Variants in IQSEC1 observed in about 807,000 individuals in gnomAD.
IQSEC1 encodes IQ motif and SEC7 domain-containing protein 1.
In IQSEC1, 31 loss-of-function variants were observed where a neutral mutation model predicts 91.0. The ratio of observed to expected loss-of-function variants is 0.34; its 90% CI spans 0.26 to 0.46. IQSEC1 has a LOEUF of 0.46. Ranked by LOEUF, IQSEC1 falls within the 20% of genes least tolerant of loss-of-function variation. The probability of loss-of-function intolerance (pLI) is 1.00; values close to 1 mark genes in which losing one functional copy is unlikely to be tolerated. For synonymous variants in IQSEC1, 699 were observed against 662.6 expected (o/e 1.05, Z -0.84); for missense variants, 1,388 against 1,575.6 (o/e 0.88, Z 2.02).
intron 1 of IQSEC1, among the ~76,000 whole-genome samples, chr3:13,191,477 A>ATTTTTTTTTTT (rs57912681): frequency 3.1e-4 from 29 of 92,102 alleles, no homozygotes; most frequent in East Asian, 3.9e-4. Context: ...CACCCAGCTA[A>ATTTTTTTTTTT]TTTTTTTTTT....
At chr3:13,040,477 G>C (rs183500185) in intron 1 of IQSEC1, among the ~76,000 whole-genome samples, 2 of 152,204 alleles carry the variant, frequency 1.3e-5, no homozygotes, top group Non-Finnish European at 2.9e-5. Context: ...ATAGGTCAGG[G>C]GAGGGGACAA....
chr3:13,181,689 G>A lies in IQSEC1; in HGVS notation c.273-17556C>T, dbSNP rs1258887241. On this transcript the variant is annotated intron_variant, in intron 1 of 15. Transcript: ENST00000648114. The stretch of plus-strand genomic sequence containing the variant: ...GACACAGATGGAGGCAGAGAGAACA[G>A]CAGGGCCACAAAGGAGGAGGAAACC... 3.9e-5 allele frequency among the ~76,000 whole-genome samples: 6 copies of A among 152,342 alleles called. No homozygotes were observed. In the South Asian group the frequency reaches 1.0e-3, roughly 26 times the overall value.
At chr3:13,049,587 C>T (rs745744625) in intron 1 of IQSEC1, among the ~76,000 whole-genome samples, 1 of 152,166 alleles carries the variant, frequency 6.6e-6, no homozygotes, top group Non-Finnish European at 1.5e-5. Context: ...CTTATCCAGA[C>T]GCAAACTCCT....
At chr3:13,274,268 C>T (rs1309832761) in intron 1 of IQSEC1, among the ~76,000 whole-genome samples, 1 of 152,228 alleles carries the variant, frequency 6.6e-6, no homozygotes, top group East Asian at 1.9e-4. Flanking sequence ...CACCTGAGCG[C>T]TGAGGCCATC....
At chr3:12,981,477 G>A (rs1485764696) in intron 1 of IQSEC1, among the ~76,000 whole-genome samples, 1 of 151,994 alleles carries the variant, frequency 6.6e-6, no homozygotes, top group African/African-American at 2.4e-5. Flanking sequence ...ACCGGCTGCT[G>A]GGGGACTAGT....
intron 1 of IQSEC1, among the ~76,000 whole-genome samples, 180 bp downstream of exon 1, chr3:13,072,812 A>C: frequency 6.6e-6 from 1 of 152,150 alleles, no homozygotes; most frequent in East Asian, 1.9e-4. Context: ...CGTCATCACC[A>C]ACAAACACCT....
intron 3 of IQSEC1, among the ~76,000 whole-genome samples, chr3:12,933,064 G>A (rs181946955): frequency 3.1e-4 from 47 of 152,358 alleles, no homozygotes; most frequent in Admixed American, 1.3e-3. Context: ...TCACTGCTTC[G>A]TTGCTAGGAA....
At chr3:13,268,278 A>G (rs1192343841) in intron 1 of IQSEC1, among the ~76,000 whole-genome samples, 1 of 152,246 alleles carries the variant, frequency 6.6e-6, no homozygotes, top group Non-Finnish European at 1.5e-5. Flanking sequence ...TACTAGCTGT[A>G]CAACCCTAGA....
intron 1 of IQSEC1, among the ~76,000 whole-genome samples, chr3:13,199,756 G>C (rs190718115): frequency 4.0e-5 from 6 of 150,628 alleles, no homozygotes; most frequent in Non-Finnish European, 7.4e-5. Context: ...GGCTGTCCCC[G>C]GACGTGAGGA....
At chr3:13,059,458 C>G (rs1333282556) in intron 1 of IQSEC1, among the ~76,000 whole-genome samples, 1 of 152,216 alleles carries the variant, frequency 6.6e-6, no homozygotes, top group African/African-American at 2.4e-5. Flanking sequence ...CACGGGGTGC[C>G]CTCTGGGTGA....
At chr3:13,179,806 C>T (rs557285863) in intron 1 of IQSEC1, among the ~76,000 whole-genome samples, 79 of 152,348 alleles carry the variant, frequency 5.2e-4, no homozygotes, top group African/African-American at 1.7e-3. Flanking sequence ...CGGGCCAGCG[C>T]GAGTTCCGGG....
intron 9 of IQSEC1, among the ~76,000 whole-genome samples, chr3:12,913,173 A>T (rs1358708547): frequency 6.6e-6 from 1 of 152,224 alleles, no homozygotes; most frequent in African/African-American, 2.4e-5. Flanking sequence ...ACAGGTGCAG[A>T]CAGCACACAG....
chr3:13,215,129 C>A (rs1160389002), intron 1 of IQSEC1, among the ~76,000 whole-genome samples: 2 of 152,056 alleles, frequency 1.3e-5, no homozygotes, highest in Non-Finnish European at 2.9e-5. Flanking sequence ...ACCACCAACC[C>A]CTCCCCTGTG....
Position 12,935,776 on chromosome 3 carries a change from T to G in IQSEC1, c.1240A>C (p.Lys414Gln), listed in dbSNP as rs1224068829. The change falls in exon 3 of 14, where the codon AAG (lysine) becomes CAG (glutamine). Residue 414 changes from lysine (K) to glutamine (Q), a missense_variant. By Grantham distance (53) the Lys-to-Gln change is moderately conservative. Transcript: ENST00000613206. The surrounding 1 kb of genome is among the most constrained non-coding windows in gnomAD (Gnocchi z 8.0). The part of the protein sequence containing the change: ...PKHGPHSGAP[K>Q]SLPREEPELR... ...TCAGGCTCCTCCCGGGGGAGGCTCT[T>G]GGGGGCGCCGCTGTGGGGACCATGC... The G allele has an allele frequency of 1.9e-6, 3 of 1,607,118 alleles. No homozygotes were observed. In the Admixed American group the frequency reaches 5.0e-5, roughly 27 times the overall value.
chr3:13,046,693 G>T (rs192292304), intron 1 of IQSEC1, among the ~76,000 whole-genome samples: 8 of 151,874 alleles, frequency 5.3e-5, no homozygotes, highest in Admixed American at 1.3e-4. Flanking sequence ...CCCTCCACAG[G>T]TCCTTACACA....
At chr3:12,942,914 T>C (rs760305645) in intron 1 of IQSEC1, among the ~76,000 whole-genome samples, 94 of 152,178 alleles carry the variant, frequency 6.2e-4, no homozygotes, top group Non-Finnish European at 1.1e-3. Flanking sequence ...AGAGGGGCCA[T>C]GGGGGAACCC....
intron 1 of IQSEC1, among the ~76,000 whole-genome samples, chr3:13,245,863 G>A (rs1050982439): frequency 1.6e-4 from 24 of 151,894 alleles, no homozygotes; most frequent in African/African-American, 5.6e-4. Flanking sequence ...CCTGCTAGAT[G>A]AAAGACACTG....
intron 1 of IQSEC1, among the ~76,000 whole-genome samples, chr3:12,975,415 C>T (rs1311642399): frequency 1.3e-5 from 2 of 152,242 alleles, no homozygotes; most frequent in African/African-American, 4.8e-5. Flanking sequence ...CCTCCTCTCA[C>T]AGGGCACACA....
chr3:13,002,778 A>C (rs747660461), intron 1 of IQSEC1, among the ~76,000 whole-genome samples: 21 of 152,348 alleles, frequency 1.4e-4, no homozygotes, highest in Admixed American at 5.2e-4. Flanking sequence ...CCACAATGAG[A>C]TATGACTTCC....
Sources: allele counts gnomAD v4.1 joint callset (sites outside exome capture counted in the v4.1 genomes callset), GRCh38; gene constraint gnomAD v4.1.1; non-coding constraint Gnocchi (gnomAD v3.1); transcripts MANE v1.5; gene names NCBI Gene and HGNC (gene_info 2026-07-23, HGNC 2026-07-21).